Variants in CALN1 observed in about 807,000 individuals in gnomAD.
CALN1 encodes the protein calcium-binding protein 8.
In CALN1, 17 loss-of-function variants were observed where a neutral mutation model predicts 30.6. The ratio of observed to expected loss-of-function variants is 0.56; its 90% CI spans 0.38 to 0.83. The LOEUF (loss-of-function observed/expected upper bound fraction) is 0.83. Among genes scored for constraint, CALN1 ranks in the 40% least tolerant of loss-of-function variants. The pLI is 0.00. For synonymous variants in CALN1, 156 were observed against 131.4 expected (o/e 1.19, Z -1.28); for missense variants, 291 against 354.9 (o/e 0.82, Z 1.45).
At chr7:72,150,590 C>G (rs944003105) in intron 3 of CALN1, among the ~76,000 whole-genome samples, 2 of 152,140 alleles carry the variant, frequency 1.3e-5, no homozygotes, top group Non-Finnish European at 2.9e-5. Context: ...GCTGCCTAGG[C>G]AGGGAACAAC....
At chr7:72,398,377 G>T (rs190736167) in intron 2 of CALN1, among the ~76,000 whole-genome samples, 1 of 152,274 alleles carries the variant, frequency 6.6e-6, no homozygotes, top group East Asian at 1.9e-4. Context: ...TAATGAGTCA[G>T]GCATTCTAAA....
chr7:72,494,365 C>T, the CALN1 span, among the ~76,000 whole-genome samples: 1 of 152,214 alleles, frequency 6.6e-6, no homozygotes, highest in African/African-American at 2.4e-5. Context: ...TGCTAGCAAG[C>T]TTACCTTTAT....
chr7:72,225,031 G>A (rs958191602), intron 3 of CALN1, among the ~76,000 whole-genome samples: 1 of 151,958 alleles, frequency 6.6e-6, no homozygotes, highest in Non-Finnish European at 1.5e-5. Context: ...GAACCCAGGA[G>A]GTGGAGCTTG....
At chr7:72,093,122 T>A (rs1253946282) in intron 4 of CALN1, among the ~76,000 whole-genome samples, 1 of 152,200 alleles carries the variant, frequency 6.6e-6, no homozygotes, top group East Asian at 1.9e-4. Context: ...TCAATATATT[T>A]AAAAAATTCT....
At chr7:72,468,238 T>A in the CALN1 span, among the ~76,000 whole-genome samples, 2 of 152,240 alleles carry the variant, frequency 1.3e-5, no homozygotes, top group Non-Finnish European at 2.9e-5. Context: ...GAGTACTTGT[T>A]TTCAGTTCTT....
chr7:72,110,242 G>C (rs1051234098), intron 3 of CALN1, among the ~76,000 whole-genome samples: 10 of 152,160 alleles, frequency 6.6e-5, no homozygotes, highest in Non-Finnish European at 1.0e-4. Flanking sequence ...GCGGGCCCTA[G>C]CTGGGGGTGT....
chr7:72,023,393 G>A (rs935029986), intron 5 of CALN1, among the ~76,000 whole-genome samples: 5 of 152,000 alleles, frequency 3.3e-5, no homozygotes, highest in African/African-American at 1.2e-4. Context: ...GTGTCCCCAG[G>A]AAAAAGACTT....
In CALN1 at chr7:72,338,525, G is replaced by GTGTGTGTGTGTGTGTGTGTGTC; in HGVS notation, c.120-59716_120-59715insGACACACACACACACACACACA. Among the ~76,000 whole-genome samples the GTGTGTGTGTGTGTGTGTGTGTC allele has an allele frequency of 2.1e-3, 260 of 122,332 alleles. 17 individuals carry two copies. The highest frequency in any genetic ancestry group is 5.1e-3 in the African/African-American group (163 of 32,072). 80.3% of individuals were successfully genotyped at this position (122,332 alleles called of 152,430 possible). On this transcript the variant is annotated intron_variant, in intron 2 of 6. Coordinates refer to ENST00000395275, the MANE Select transcript of CALN1 (RefSeq NM_031468.4). ...TGTGTGTGTGTGTGTGTGTGTGTGT[G>GTGTGTGTGTGTGTGTGTGTGTC]TGTCTCACCTGGGTGTGGTTTCAGA...
chr7:72,240,847 A>T (rs1794781134), intron 3 of CALN1, among the ~76,000 whole-genome samples: 1 of 152,192 alleles, frequency 6.6e-6, no homozygotes, highest in Non-Finnish European at 1.5e-5. Context: ...ATCAGAGTGT[A>T]TCATGCTTTT....
chr7:72,203,479 G>T (rs991140251), intron 3 of CALN1, among the ~76,000 whole-genome samples: 1 of 152,130 alleles, frequency 6.6e-6, no homozygotes, highest in African/African-American at 2.4e-5. Flanking sequence ...GCTAAGGACT[G>T]CCAGGATGTT....
chr7:72,349,201 G>T (rs978551848), intron 2 of CALN1, among the ~76,000 whole-genome samples: 2 of 152,040 alleles, frequency 1.3e-5, no homozygotes, highest in African/African-American at 2.4e-5. Context: ...TGGCAGGTGG[G>T]ACAATATCAA....
At chr7:72,288,750 T>G (rs1798270476) in intron 2 of CALN1, among the ~76,000 whole-genome samples, 1 of 152,248 alleles carries the variant, frequency 6.6e-6, no homozygotes, top group Non-Finnish European at 1.5e-5. Context: ...TTCATCTTTA[T>G]GTATTGGATT....
chr7:72,377,518 G>C (rs1804641734), intron 2 of CALN1, among the ~76,000 whole-genome samples: 1 of 149,844 alleles, frequency 6.7e-6, no homozygotes, highest in African/African-American at 2.5e-5. Flanking sequence ...ACATTTTTTT[G>C]ACTATTATAA....
At chr7:71,843,453 TA>T (rs1400432431) in intron 5 of CALN1, among the ~76,000 whole-genome samples, 1 of 151,714 alleles carries the variant, frequency 6.6e-6, no homozygotes, top group Non-Finnish European at 1.5e-5. Flanking sequence ...ACCCTATCTC[TA>T]AAAAAAACTA....
intron 5 of CALN1, among the ~76,000 whole-genome samples, chr7:72,004,799 A>G (rs1432275588): frequency 1.3e-5 from 2 of 152,230 alleles, no homozygotes; most frequent in African/African-American, 4.8e-5. Flanking sequence ...ACTCAAGAGC[A>G]AAACAAAACA....
intron 3 of CALN1, among the ~76,000 whole-genome samples, chr7:72,128,349 A>G (rs1373208713): frequency 6.6e-6 from 1 of 152,202 alleles, no homozygotes; most frequent in Non-Finnish European, 1.5e-5. Flanking sequence ...ATGAATCCAA[A>G]AAATAACGTG....
intron 3 of CALN1, among the ~76,000 whole-genome samples, chr7:72,270,814 CCTAA>C (rs1399383302): frequency 2.0e-5 from 3 of 152,140 alleles, no homozygotes; most frequent in Non-Finnish European, 4.4e-5. Context: ...CAAGGAATAA[CCTAA>C]CTAAGTGTGC....
At chr7:71,875,543 G>A (rs1266873085) in intron 5 of CALN1, among the ~76,000 whole-genome samples, 1 of 152,188 alleles carries the variant, frequency 6.6e-6, no homozygotes, top group African/African-American at 2.4e-5. Flanking sequence ...CATCAATTAT[G>A]AGTCTGTGGC....
At chr7:72,375,353 A>G (rs949538398) in intron 2 of CALN1, among the ~76,000 whole-genome samples, 15 of 152,124 alleles carry the variant, frequency 9.9e-5, no homozygotes, top group African/African-American at 3.6e-4. Context: ...GCTTGAGCCC[A>G]GGAGTTTGAG....
Sources: gnomAD v4.1 joint callset for allele counts (sites outside exome capture counted in the v4.1 genomes callset) on GRCh38, gnomAD v4.1.1 for gene constraint, MANE v1.5 for transcripts, NCBI Gene and HGNC (gene_info 2026-07-23, HGNC 2026-07-21) for gene names.